ABCC9: variants seen among roughly 807,000 people sequenced by gnomAD.
ABCC9 encodes ATP binding cassette subfamily C member 9, also known as ATP-binding cassette sub-family C member 9.
Under a neutral mutation model 188.3 loss-of-function variants are expected in ABCC9, and 95 were observed. That is an observed-to-expected ratio of 0.50 (90% CI 0.43 to 0.60). The LOEUF (loss-of-function observed/expected upper bound fraction) is 0.60. Ranked by LOEUF, ABCC9 falls within the 20% of genes least tolerant of loss-of-function variation. ABCC9 has a pLI of 0.00. For missense variants in ABCC9, 1,102 were observed against 1,876.3 expected, an observed-to-expected ratio of 0.59 and a Z score of 7.62; for synonymous variants, 659 against 652.7, an observed-to-expected ratio of 1.01 and a Z score of -0.15.
chr12:21,801,090 G>A lies in ABCC9; in HGVS notation c.4604C>T (p.Ala1535Val), dbSNP rs1347999178. The A allele has an allele frequency of 1.2e-6, 2 of 1,613,964 alleles. No homozygotes were observed. The highest frequency in any genetic ancestry group is 1.7e-6 in the Non-Finnish European group (2 of 1,179,932). Residue 1535 changes from alanine to valine, a missense_variant, in exon 40 of 40, where the codon GCT becomes GTT. Ala to Val is a moderately conservative substitution (Grantham distance 64). This residue lies in a region of ABCC9 where 30 missense variants were observed against 34.3 expected (regional missense o/e 0.87). Transcript: ENST00000261200. ...LEYDTPESLL[A>V]QENGVFASFV... ...AGAAGCAAATACTCCATTTTCCTGAGCCAAGAGGCTTTCTGGAGTGTCATA... is the reference window on the plus strand; with the variant it reads ...AGAAGCAAATACTCCATTTTCCTGAACCAAGAGGCTTTCTGGAGTGTCATA...
At chr12:21,803,037 G>C (rs541365356) in intron 39 of ABCC9, among the ~76,000 whole-genome samples, 100 of 151,686 alleles carry the variant, frequency 6.6e-4, no homozygotes, top group Middle Eastern at 3.4e-3. Flanking sequence ...TTATGTATTA[G>C]GTTGGTGCAA....
intron 17 of ABCC9, among the ~76,000 whole-genome samples, chr12:21,872,962 T>G (rs1000887425): frequency 6.6e-6 from 1 of 151,594 alleles, no homozygotes; most frequent in African/African-American, 2.4e-5. Flanking sequence ...CTGATAGCAG[T>G]AAAGAAAGTA....
At chr12:21,848,626 T>C (rs1030382383) in intron 24 of ABCC9, among the ~76,000 whole-genome samples, 1 of 152,206 alleles carries the variant, frequency 6.6e-6, no homozygotes, top group African/African-American at 2.4e-5. Flanking sequence ...TGTTAATACA[T>C]ATCTTCCTTC....
intron 14 of ABCC9, among the ~76,000 whole-genome samples, chr12:21,891,152 A>G (rs1947143217): frequency 6.6e-6 from 1 of 152,120 alleles, no homozygotes; most frequent in African/African-American, 2.4e-5. Context: ...GACTCCCTGC[A>G]GATTTCAGTC....
At chr12:21,927,594 A>G (rs1949092600) in intron 4 of ABCC9, among the ~76,000 whole-genome samples, 1 of 152,196 alleles carries the variant, frequency 6.6e-6, no homozygotes, top group Non-Finnish European at 1.5e-5. Flanking sequence ...GTCTGTGTGG[A>G]TGGCCGTGTG....
intron 27 of ABCC9, 54 bp from the exon 28 acceptor site, chr12:21,844,606 G>A (rs1944544625): frequency 3.8e-6 from 6 of 1,578,250 alleles, no homozygotes; most frequent in South Asian, 1.1e-5. Flanking sequence ...TTGGAACCTG[G>A]GCATTGCTAA....
rs577116631 is a variant in ABCC9 at position 21,929,818 on chromosome 12, G to A, written c.285-3755C>T. On this transcript the variant is annotated intron_variant, in intron 4 of 39. Transcript: ENST00000261200. ...ATATTGTCAATTGGTTTTGTACTGG[G>A]TATTAATTTTATATATACATATTTT... 2.3e-4 allele frequency among the ~76,000 whole-genome samples: 35 copies of A among 152,130 alleles called. No individual in the cohort carries two copies. The South Asian group carries it at 6.8e-3, about 30-fold the overall frequency.
At chr12:21,867,385 T>C (rs903983098) in intron 18 of ABCC9, among the ~76,000 whole-genome samples, 4 of 152,172 alleles carry the variant, frequency 2.6e-5, no homozygotes, top group African/African-American at 4.8e-5. Context: ...AGAGGTCATA[T>C]AGAAAATCCC....
At chr12:21,841,475 C>T (rs1944392330) in intron 29 of ABCC9, among the ~76,000 whole-genome samples, 2 of 151,066 alleles carry the variant, frequency 1.3e-5, no homozygotes, top group African/African-American at 2.4e-5. Flanking sequence ...TCTACTGCCT[C>T]AGCCTCCTGA....
intron 16 of ABCC9, 151 bp from the exon 17 acceptor site, chr12:21,875,877 G>T: frequency 3.3e-6 from 2 of 605,800 alleles, no homozygotes; most frequent in Non-Finnish European, 5.8e-6. Flanking sequence ...AAGGTCAGGA[G>T]ATCGAGATCA....
intron 14 of ABCC9, among the ~76,000 whole-genome samples, chr12:21,891,297 C>T (rs1285688084): frequency 6.6e-6 from 1 of 152,150 alleles, no homozygotes; most frequent in Non-Finnish European, 1.5e-5. Context: ...AGATTTGTAA[C>T]ATACAAAGTG....
intron 39 of ABCC9, among the ~76,000 whole-genome samples, chr12:21,803,138 T>C (rs1941580151): frequency 6.6e-6 from 1 of 151,938 alleles, no homozygotes; most frequent in Non-Finnish European, 1.5e-5. Context: ...TTTATTTATC[T>C]TTGAGAAAGG....
At chr12:21,918,716 G>A (rs1275406415) in intron 5 of ABCC9, among the ~76,000 whole-genome samples, 3 of 152,038 alleles carry the variant, frequency 2.0e-5, no homozygotes, top group African/African-American at 7.2e-5. Context: ...CCAGGTTCTA[G>A]GTATTGACTG....
At chr12:21,884,374 T>C (rs1565445739) in intron 15 of ABCC9, among the ~76,000 whole-genome samples, 1 of 152,160 alleles carries the variant, frequency 6.6e-6, no homozygotes, top group Non-Finnish European at 1.5e-5. Flanking sequence ...CACTCAGCCA[T>C]AATTATCTTC....
chr12:21,940,908 G>T lies in ABCC9; in HGVS notation c.-136-83C>A, dbSNP rs373057544. 73 of 152,234 alleles carry T rather than the reference G, an allele frequency of 4.8e-4. 2 individuals are homozygous for T. Among genetic ancestry groups the T allele is most frequent in the African/African-American group, 1.7e-3 (71 of 41,538 alleles). 9.4% of individuals were successfully genotyped at this position (152,234 alleles called of 1,614,324 possible). On this transcript the variant is annotated intron_variant, in intron 1 of 39. Coordinates refer to ENST00000261200, the MANE Select transcript of ABCC9 (RefSeq NM_020297.4). The stretch of plus-strand genomic sequence containing the variant: ...TACAAGAATTGTCTACAAGAAAGGC[G>T]GTAATAATAACTCCTAATAATAATA...
In ABCC9 at chr12:21,830,918, G is replaced by A. The variant is rs370239637; in HGVS notation, c.3567-1858C>T. Among the ~76,000 whole-genome samples, 11 of 152,118 alleles carry A rather than the reference G, an allele frequency of 7.2e-5. 1 individual carries two copies. Among genetic ancestry groups the A allele is most frequent in the African/African-American group, 2.2e-4 (9 of 41,490 alleles). Reference sequence around the variant, plus strand: ...ATATAGAGAACAACTGAAGGGTAGGGGGGATGTTCAAAGGGTTATAGGATT... The same window carrying A: ...ATATAGAGAACAACTGAAGGGTAGGAGGGATGTTCAAAGGGTTATAGGATT... On this transcript the variant is annotated intron_variant, in intron 30 of 39. Transcript: ENST00000261200.
intron 12 of ABCC9, among the ~76,000 whole-genome samples, chr12:21,901,908 T>A (rs891401046): frequency 3.9e-5 from 6 of 152,142 alleles, no homozygotes; most frequent in African/African-American, 7.2e-5. Context: ...GACAGAAAGT[T>A]AACAAGGATA....
At position 21,893,204 on chromosome 12, in the gene ABCC9, C is replaced by G. The variant is rs533218507; in HGVS notation, c.1802+828G>C. Among the ~76,000 whole-genome samples the G allele has an allele frequency of 3.5e-3, 537 of 152,188 alleles. 2 individuals are homozygous for G. Among genetic ancestry groups the G allele is most frequent in the Non-Finnish European group, 5.4e-3 (365 of 68,018 alleles). ...GTGGAAAAATGGTCTTATATCACAT[C>G]TATTTTTATAGCTGTGCATTATGAG... On this transcript the variant is annotated intron_variant, in intron 14 of 39. Transcript: ENST00000261200.
intron 14 of ABCC9, 149 bp from the exon 15 acceptor site, chr12:21,888,083 G>A: frequency 1.5e-6 from 1 of 682,824 alleles, no homozygotes; most frequent in South Asian, 1.6e-5. Flanking sequence ...AATTCAGCTA[G>A]ATCGACCAAA....
Sources: gnomAD v4.1 joint callset for allele counts (sites outside exome capture counted in the v4.1 genomes callset) on GRCh38, gnomAD v4.1.1 for gene constraint, gnomAD v4.1.1 regional missense constraint, MANE v1.5 for transcripts, NCBI Gene and HGNC (gene_info 2026-07-23, HGNC 2026-07-21) for gene names.